ABHD18: variants seen among roughly 807,000 people sequenced by gnomAD.
ABHD18 encodes the protein cardiolipin-specific deacylase, mitochondrial.
Under a neutral mutation model 65.9 loss-of-function variants are expected in ABHD18, and 55 were observed. The ratio of observed to expected loss-of-function variants is 0.84; its 90% confidence interval spans 0.67 to 1.05. The LOEUF (loss-of-function observed/expected upper bound fraction) is 1.05. Among genes scored for constraint, ABHD18 ranks in the 50% least tolerant of loss-of-function variants. ABHD18 has a pLI of 0.00. For missense variants in ABHD18, 533 were observed against 558.5 expected (o/e 0.95, Z 0.46); for synonymous variants, 181 against 180.2 (o/e 1.00, Z -0.04).
In ABHD18 at chr4:128,009,184, C is replaced by A. The variant is rs763721644; in HGVS notation, c.435C>A (p.Asn145Lys). 2.0e-6 allele frequency: 3 copies of A among 1,494,002 alleles called. No individual in the cohort carries two copies. Among genetic ancestry groups the A allele is most frequent in the Admixed American group, 2.9e-5 (1 of 34,326 alleles). The allele number at this position is 1,494,002 out of a possible 1,614,324, so 92.5% of individuals were successfully genotyped here. A position where few individuals can be genotyped will look rare whatever the true frequency, so the allele number is the denominator to read the frequency against. Residue 145 changes from asparagine (N) to lysine (K), a missense_variant, in exon 6 of 13, where the codon AAC (asparagine) becomes AAA (lysine). This residue lies in a region of ABHD18 where 309 missense variants were observed against 313.5 expected (regional missense o/e 0.99). Coordinates refer to ENST00000645843, the MANE Select transcript of ABHD18 (RefSeq NM_001358451.3). Reference sequence around the variant, plus strand: ...GAATGGCTTCTTTATTGTTAGAAAACCCTTATTATATCCTTTTGTGATATC... The same window carrying A: ...GAATGGCTTCTTTATTGTTAGAAAAACCTTATTATATCCTTTTGTGATATC... ...EARMASLLLE[N>K]PYYGCRKPKD... is the part of the protein sequence containing the mutation.
At chr4:128,007,016 A>T (rs1753709461) in intron 4 of ABHD18, among the ~76,000 whole-genome samples, 1 of 152,204 alleles carries the variant, frequency 6.6e-6, no homozygotes, top group Non-Finnish European at 1.5e-5. Flanking sequence ...ATGGTGGCAC[A>T]TGCCTGTAAT....
chr4:128,001,809 A>G, intron 4 of ABHD18: 1 of 1,514,192 alleles, frequency 6.6e-7, no homozygotes, highest in Non-Finnish European at 8.8e-7. Flanking sequence ...TCTTTTGTAT[A>G]TCCTTAGTGG....
At chr4:128,028,897 A>G in intron 11 of ABHD18, 44 bp downstream of exon 11, 1 of 1,398,892 alleles carries the variant, frequency 7.1e-7, no homozygotes. Flanking sequence ...CTGATGTGTA[A>G]GTATTTGTGA....
chr4:128,007,328 T>TA (rs750294558), intron 4 of ABHD18, among the ~76,000 whole-genome samples: 2,566 of 58,496 alleles, frequency 0.044, 74 homozygotes, highest in African/African-American at 0.1. Context: ...ACCTTGTCTC[T>TA]AAAAAAAAAA....
At chr4:127,971,739 C>T (rs968349208) in intron 1 of ABHD18, among the ~76,000 whole-genome samples, 2 of 152,014 alleles carry the variant, frequency 1.3e-5, no homozygotes, top group African/African-American at 2.4e-5. Context: ...ATCTGCCCCT[C>T]GGCCTCCCAA....
At chr4:128,034,807 C>A (rs1216159493) in intron 12 of ABHD18, among the ~76,000 whole-genome samples, 2 of 152,032 alleles carry the variant, frequency 1.3e-5, no homozygotes, top group African/African-American at 4.8e-5. Flanking sequence ...TGTGCCACCA[C>A]ACCCGGCTAA....
At chr4:127,968,358 A>G (rs975062482) in intron 1 of ABHD18, among the ~76,000 whole-genome samples, 4 of 152,262 alleles carry the variant, frequency 2.6e-5, no homozygotes, top group African/African-American at 9.6e-5. Flanking sequence ...TAGCTACTTA[A>G]ACTTGTATAG....
rs751161286 is a variant in ABHD18 at position 128,028,694 on chromosome 4, A to C, written c.1021A>C (p.Asn341His). 1 of 1,613,940 alleles carries C rather than the reference A, an allele frequency of 6.2e-7. No individual in the cohort carries two copies. The highest frequency in any genetic ancestry group is 1.3e-5 in the African/African-American group (1 of 75,064). Reference protein sequence around the residue: ...LQDTSKMKRFNQTLSTNKSGY... With the variant: ...LQDTSKMKRFHQTLSTNKSGY... ...AGATACCTCTAAGATGAAGCGCTTC[A>C]ATCAAACACTTTCAACCAACAAAAG... is the stretch of plus-strand genomic sequence containing the variant. Residue 341 changes from asparagine to histidine, a missense_variant, in exon 11 of 13, where the codon AAT becomes CAT. By Grantham distance (68) the Asn-to-His change is moderately conservative. Coordinates refer to ENST00000645843, the MANE Select transcript of ABHD18 (RefSeq NM_001358451.3).
chr4:128,008,210 T>C (rs1753941207), intron 4 of ABHD18, among the ~76,000 whole-genome samples: 1 of 145,976 alleles, frequency 6.9e-6, no homozygotes, highest in Non-Finnish European at 1.5e-5. Flanking sequence ...TGCAGTGAGC[T>C]GAAATCATGC....
At chr4:127,969,087 T>C (rs1459232381) in intron 1 of ABHD18, among the ~76,000 whole-genome samples, 3 of 152,220 alleles carry the variant, frequency 2.0e-5, no homozygotes, top group African/African-American at 7.2e-5. Flanking sequence ...ATTAGTTGTT[T>C]ATTAGTAGGT....
intron 10 of ABHD18, among the ~76,000 whole-genome samples, chr4:128,021,745 G>A (rs912211184): frequency 2.0e-5 from 3 of 150,146 alleles, no homozygotes; most frequent in South Asian, 4.2e-4. Flanking sequence ...TTATTAAAAG[G>A]CAAACACACT....
At chr4:127,991,580 T>C (rs546010533) in intron 4 of ABHD18, among the ~76,000 whole-genome samples, 2 of 152,324 alleles carry the variant, frequency 1.3e-5, no homozygotes, top group Non-Finnish European at 2.9e-5. Flanking sequence ...CCTAGATCTT[T>C]ACACAGTTTT....
chr4:128,010,863 C>T (rs185132534), intron 6 of ABHD18, among the ~76,000 whole-genome samples: 71 of 149,440 alleles, frequency 4.8e-4, no homozygotes, highest in African/African-American at 1.4e-3. Flanking sequence ...TGCAGTGAGC[C>T]GCCTGCACTC....
At chr4:128,012,775 A>AT (rs2149142288) in intron 7 of ABHD18, among the ~76,000 whole-genome samples, 1 of 152,110 alleles carries the variant, frequency 6.6e-6, no homozygotes, top group African/African-American at 2.4e-5. Context: ...GGTCAGAAAG[A>AT]TAGGCAAGGG....
chr4:127,979,276 C>T (rs1037652271), intron 1 of ABHD18, among the ~76,000 whole-genome samples: 9 of 152,186 alleles, frequency 5.9e-5, no homozygotes, highest in Non-Finnish European at 1.0e-4. Flanking sequence ...ACCAAAAAGG[C>T]TGGGCGCGGT....
In ABHD18 at chr4:128,038,405, AAAAC is replaced by A. The variant is rs1415283632; in HGVS notation, c.*2596_*2599del. 1 of 152,250 alleles carries A rather than the reference AAAAC, an allele frequency of 6.6e-6. No individual in the cohort carries two copies. Among genetic ancestry groups the A allele is most frequent in the Non-Finnish European group, 1.5e-5 (1 of 68,046 alleles). 9.4% of individuals were successfully genotyped at this position (152,250 alleles called of 1,614,324 possible). Reference sequence around the variant, plus strand: ...ATGCTTTTTGAACAATGGTTTTAGTAAAACAAATACTTTATTATTGTTCACATAA... The same window carrying A: ...ATGCTTTTTGAACAATGGTTTTAGTAAAATACTTTATTATTGTTCACATAA... On this transcript the variant is annotated 3_prime_UTR_variant, in exon 13 of 13. Coordinates refer to ENST00000645843, the MANE Select transcript of ABHD18 (RefSeq NM_001358451.3).
At chr4:127,977,123 A>G (rs892123709) in intron 1 of ABHD18, among the ~76,000 whole-genome samples, 3 of 152,054 alleles carry the variant, frequency 2.0e-5, no homozygotes, top group African/African-American at 4.8e-5. Context: ...CCAATTAGGT[A>G]TATTATTAAG....
intron 4 of ABHD18, chr4:128,001,747 AT>A: frequency 6.5e-7 from 1 of 1,548,258 alleles, no homozygotes; most frequent in Non-Finnish European, 8.7e-7. Context: ...TACCAACTTG[AT>A]TCTTCTACCT....
At chr4:128,029,056 G>A (rs57872423) in intron 11 of ABHD18, among the ~76,000 whole-genome samples, 6,389 of 152,016 alleles carry the variant, frequency 0.042, 362 homozygotes, top group East Asian at 0.27. Flanking sequence ...TATTCATTAA[G>A]AAACACACTG....
Sources: gnomAD v4.1 joint callset for allele counts (sites outside exome capture counted in the v4.1 genomes callset) on GRCh38, gnomAD v4.1.1 for gene constraint, gnomAD v4.1.1 regional missense constraint, MANE v1.5 for transcripts, NCBI Gene and HGNC (gene_info 2026-07-23, HGNC 2026-07-21) for gene names.